Variants in RGS7 observed in about 807,000 individuals in gnomAD.
The protein encoded by RGS7 is regulator of G-protein signaling 7.
RGS7 carries 27 observed loss-of-function variants against 81.1 expected under a neutral mutation model. That is an observed-to-expected ratio of 0.33 (90% CI 0.25 to 0.46). The LOEUF (loss-of-function observed/expected upper bound fraction) is 0.46, where lower values mean the gene tolerates loss of function less well. Ranked by LOEUF, RGS7 falls within the 20% of genes least tolerant of loss-of-function variation. The pLI is 1.00. For synonymous variants in RGS7, 208 were observed against 207.7 expected (o/e 1.00, Z -0.01); for missense variants, 396 against 607.4 (o/e 0.65, Z 3.66).
At chr1:240,859,245 C>T (rs1281545542) in intron 9 of RGS7, among the ~76,000 whole-genome samples, 1 of 152,118 alleles carries the variant, frequency 6.6e-6, no homozygotes, top group Non-Finnish European at 1.5e-5. Flanking sequence ...ACTGATCCTC[C>T]TGTCTCGGCC....
chr1:240,914,044 C>T (rs1672195833), intron 6 of RGS7, among the ~76,000 whole-genome samples: 1 of 149,210 alleles, frequency 6.7e-6, no homozygotes, highest in Non-Finnish European at 1.5e-5. Flanking sequence ...GTATATCTCC[C>T]AATGCTATCC....
chr1:240,936,536 CCTAA>C, intron 5 of RGS7, 60 bp downstream of exon 5: 4 of 1,250,886 alleles, frequency 3.2e-6, no homozygotes, highest in Non-Finnish European at 4.7e-6. Flanking sequence ...TCAAAAGAAA[CCTAA>C]CTAACAAACG....
chr1:240,863,757 C>T (rs1458501768), intron 9 of RGS7, among the ~76,000 whole-genome samples: 1 of 151,030 alleles, frequency 6.6e-6, no homozygotes, highest in Admixed American at 6.6e-5. Flanking sequence ...ATGTGAAAAC[C>T]GTTTTAAAAT....
intron 2 of RGS7, among the ~76,000 whole-genome samples, chr1:241,333,069 T>A (rs1467170168): frequency 6.6e-6 from 1 of 152,228 alleles, no homozygotes; most frequent in African/African-American, 2.4e-5. Context: ...TATTTTGTTT[T>A]TGAAGGGTCT....
intron 18 of RGS7, among the ~76,000 whole-genome samples, chr1:240,783,773 G>T (rs149689901): frequency 0.011 from 1,694 of 152,140 alleles, 27 homozygotes; most frequent in African/African-American, 0.039. Context: ...TAGGGAGATG[G>T]AAGCAACTTC....
chr1:241,144,964 TTC>T lies in RGS7; in HGVS notation c.79-46204_79-46203del, dbSNP rs200330949. 1.0e-3 allele frequency among the ~76,000 whole-genome samples: 151 copies of T among 144,336 alleles called. No individual in the cohort carries two copies. The highest frequency in any genetic ancestry group is 3.8e-3 in the African/African-American group (140 of 36,774). The allele number at this position is 144,336 out of a possible 152,430, so 94.7% of individuals were successfully genotyped here. ...GTGTGTGTGTGTGTGTGTGTGTGTG[TTC>T]GTGTTCATTCTTCCTGTTCCTGTTT... is the stretch of plus-strand genomic sequence containing the variant. On this transcript the variant is annotated intron_variant, in intron 2 of 18. Coordinates refer to ENST00000440928, the MANE Select transcript of RGS7 (RefSeq NM_001364886.1). This position sits in a 1 kb window ranked among gnomAD's most constrained non-coding sequence, Gnocchi z 4.7.
chr1:241,101,461 C>T (rs906008176), intron 2 of RGS7, among the ~76,000 whole-genome samples: 1 of 151,864 alleles, frequency 6.6e-6, no homozygotes, highest in African/African-American at 2.4e-5. Context: ...ATACCACTGC[C>T]CTCCAGCCTG....
intron 3 of RGS7, among the ~76,000 whole-genome samples, chr1:241,013,669 G>T (rs1572263521): frequency 6.6e-6 from 1 of 152,166 alleles, no homozygotes; most frequent in African/African-American, 2.4e-5. Context: ...CCTTCACTCT[G>T]CTGGTGAGAA....
intron 3 of RGS7, among the ~76,000 whole-genome samples, chr1:241,089,063 C>CTCTCTCTCTATATATA (rs1374552672): frequency 2.5e-4 from 6 of 23,684 alleles, no homozygotes; most frequent in South Asian, 1.5e-3. Context: ...CTCTCTCTCT[C>CTCTCTCTCTATATATA]TATATATATA....
At chr1:240,790,698 G>A (rs911878589) in intron 18 of RGS7, among the ~76,000 whole-genome samples, 1 of 152,150 alleles carries the variant, frequency 6.6e-6, no homozygotes, top group African/African-American at 2.4e-5. Flanking sequence ...AGATACTCAG[G>A]AGCTGCCAAA....
intron 2 of RGS7, among the ~76,000 whole-genome samples, chr1:241,246,623 G>A (rs1300317154): frequency 6.6e-6 from 1 of 152,162 alleles, no homozygotes; most frequent in African/African-American, 2.4e-5. Flanking sequence ...CTATCTACCT[G>A]TGAGTAGTCC....
In RGS7 at chr1:241,192,764, A is replaced by AC. The variant is rs578015804; in HGVS notation, c.79-94003dup. Among the ~76,000 whole-genome samples the AC allele has an allele frequency of 2.0e-3, 302 of 152,238 alleles. 2 individuals are homozygous for AC. Among genetic ancestry groups the AC allele is most frequent in the Middle Eastern group, 6.8e-3 (2 of 294 alleles). ...GAGGACTTTCTCTTTCTCACTCCTC[A>AC]CTTCATTCCTGCCTCACTCCCAAGG... is the stretch of plus-strand genomic sequence containing the variant. On this transcript the variant is annotated intron_variant, in intron 2 of 18. Transcript: ENST00000440928.
At chr1:240,781,448 A>T (rs977821481) in intron 18 of RGS7, among the ~76,000 whole-genome samples, 5 of 152,098 alleles carry the variant, frequency 3.3e-5, no homozygotes, top group Admixed American at 1.3e-4. Context: ...TCTACTAAAG[A>T]TACAAAAATT....
At chr1:240,856,040 T>C (rs1219562028) in intron 9 of RGS7, among the ~76,000 whole-genome samples, 1 of 152,212 alleles carries the variant, frequency 6.6e-6, no homozygotes, top group African/African-American at 2.4e-5. Flanking sequence ...GAAATCATGA[T>C]ATTTCTGAAT....
intron 2 of RGS7, among the ~76,000 whole-genome samples, chr1:241,228,702 T>C (rs2075471360): frequency 6.6e-6 from 1 of 151,808 alleles, no homozygotes; most frequent in Admixed American, 6.6e-5. Flanking sequence ...AGTGCTGGAG[T>C]CTGAAGCTCT....
At chr1:241,152,646 G>T (rs1452772582) in intron 2 of RGS7, among the ~76,000 whole-genome samples, 2 of 152,172 alleles carry the variant, frequency 1.3e-5, no homozygotes, top group Non-Finnish European at 2.9e-5. Flanking sequence ...ATGTCATTTG[G>T]ACCCCTGTGT....
chr1:241,259,093 A>G lies in RGS7; in HGVS notation c.78+96606T>C, dbSNP rs189935468. Reference sequence around the variant, plus strand: ...TTTCACTTCTTCGCTCACTCCCCATACTTCCAGTTAATAGCATCAATTTCA... The same window carrying G: ...TTTCACTTCTTCGCTCACTCCCCATGCTTCCAGTTAATAGCATCAATTTCA... On this transcript the variant is annotated intron_variant, in intron 2 of 18. Coordinates refer to ENST00000440928, the MANE Select transcript of RGS7 (RefSeq NM_001364886.1). Among the ~76,000 whole-genome samples, 160 of 152,124 alleles carry G rather than the reference A, an allele frequency of 1.1e-3. 1 individual carries two copies. The highest frequency in any genetic ancestry group is 3.4e-3 in the Middle Eastern group (1 of 294).
intron 2 of RGS7, among the ~76,000 whole-genome samples, chr1:241,250,112 G>A (rs2076757720): frequency 6.6e-6 from 1 of 152,136 alleles, no homozygotes; most frequent in Non-Finnish European, 1.5e-5. Flanking sequence ...ACAGGATGGG[G>A]AAAGCAATAA....
rs138103751 is a variant in RGS7, at chr1:240,943,888, G to A, written c.227-7182C>T. Among the ~76,000 whole-genome samples, 641 of 152,156 alleles carry A rather than the reference G, an allele frequency of 4.2e-3. 2 individuals carry two copies. Among genetic ancestry groups the A allele is most frequent in the Non-Finnish European group, 7.2e-3 (488 of 67,986 alleles). On this transcript the variant is annotated intron_variant, in intron 4 of 18. Transcript: ENST00000440928. ...AGAATAACAGGGACAGAGAGAGCAC[G>A]GGGACAGCAATCAGAATGGGAGATG...
Sources: gnomAD v4.1 joint callset for allele counts (sites outside exome capture counted in the v4.1 genomes callset) on GRCh38, gnomAD v4.1.1 for gene constraint, Gnocchi (gnomAD v3.1) non-coding constraint, MANE v1.5 for transcripts, NCBI Gene and HGNC (gene_info 2026-07-23, HGNC 2026-07-21) for gene names.